SEMA3D: variants seen among roughly 807,000 people sequenced by gnomAD.
SEMA3D encodes the protein semaphorin 3D.
SEMA3D carries 84 observed loss-of-function variants against 100.1 expected under a neutral mutation model. The ratio of observed to expected loss-of-function variants is 0.84; its 90% CI spans 0.70 to 1.01. SEMA3D has a LOEUF of 1.01. Among genes scored for constraint, SEMA3D ranks in the 50% least tolerant of loss-of-function variants. The pLI is 0.00. For synonymous variants in SEMA3D, 312 were observed against 320.7 expected (o/e 0.97, Z 0.29); for missense variants, 875 against 934.1 (o/e 0.94, Z 0.82).
chr7:85,211,829 CTT>C, the SEMA3D span, among the ~76,000 whole-genome samples: 5 of 151,876 alleles, frequency 3.3e-5, no homozygotes, highest in African/African-American at 1.2e-4. Flanking sequence ...TTTTATCTTC[CTT>C]ATAATTTTAA....
At chr7:85,249,918 G>A in the SEMA3D span, among the ~76,000 whole-genome samples, 3 of 151,846 alleles carry the variant, frequency 2.0e-5, no homozygotes, top group Non-Finnish European at 2.9e-5. Context: ...CGTGAGCGAC[G>A]CAGAAGACGG....
At chr7:85,124,711 G>A (rs1296557213) in intron 2 of SEMA3D, among the ~76,000 whole-genome samples, 1 of 152,064 alleles carries the variant, frequency 6.6e-6, no homozygotes, top group African/African-American at 2.4e-5. Context: ...TGAACAGCAA[G>A]GCAGGTTGCA....
intron 3 of SEMA3D, among the ~76,000 whole-genome samples, chr7:85,116,439 A>T (rs1178274096): frequency 4.7e-5 from 7 of 147,640 alleles, no homozygotes; most frequent in African/African-American, 1.5e-4. Context: ...TTACATATGT[A>T]TATACATATA....
intron 1 of SEMA3D, among the ~76,000 whole-genome samples, chr7:85,175,274 C>T (rs1407237184): frequency 1.3e-5 from 2 of 152,146 alleles, no homozygotes; most frequent in African/African-American, 2.4e-5. Flanking sequence ...GATAGTGACA[C>T]AACAAAAGAA....
intron 3 of SEMA3D, among the ~76,000 whole-genome samples, chr7:85,110,202 A>G (rs561226734): frequency 1.3e-5 from 2 of 152,040 alleles, no homozygotes; most frequent in South Asian, 4.1e-4. Context: ...TGTCACTTCC[A>G]CCACTCTGTG....
intron 1 of SEMA3D, among the ~76,000 whole-genome samples, chr7:85,183,115 T>A (rs994593372): frequency 9.2e-5 from 14 of 152,102 alleles, no homozygotes; most frequent in African/African-American, 2.9e-4. Flanking sequence ...CCCCTTGAGA[T>A]TGAGAATTTG....
Position 85,083,929 on chromosome 7 carries a change from C to G in SEMA3D, c.313-2350G>C, listed in dbSNP as rs1583906565. ...TTGGGAGGCTGAGGCAGGCAGATCACGAGGTCAGGAGATCGAGACGATCCT... is the reference window on the plus strand; with the variant it reads ...TTGGGAGGCTGAGGCAGGCAGATCAGGAGGTCAGGAGATCGAGACGATCCT... On this transcript the variant is annotated intron_variant, in intron 4 of 18. Coordinates refer to ENST00000284136, the MANE Select transcript of SEMA3D (RefSeq NM_001384900.1). Among the ~76,000 whole-genome samples, 7 of 151,626 alleles carry G rather than the reference C, an allele frequency of 4.6e-5. 1 individual carries two copies. The highest frequency in any genetic ancestry group is 1.7e-4 in the African/African-American group (7 of 41,318).
chr7:85,114,752 A>G (rs1789189324), intron 3 of SEMA3D, among the ~76,000 whole-genome samples: 1 of 152,184 alleles, frequency 6.6e-6, no homozygotes, highest in Non-Finnish European at 1.5e-5. Context: ...AAACATATCA[A>G]TTCTCCTTAT....
intron 3 of SEMA3D, 105 bp downstream of exon 3, chr7:85,121,636 C>T: frequency 8.0e-6 from 5 of 627,042 alleles, no homozygotes; most frequent in Non-Finnish European, 1.3e-5. Context: ...GATGCCAAAA[C>T]ATTTCACAGA....
At chr7:85,102,871 G>C (rs926431622) in intron 3 of SEMA3D, among the ~76,000 whole-genome samples, 3 of 151,862 alleles carry the variant, frequency 2.0e-5, no homozygotes, top group Non-Finnish European at 4.4e-5. Flanking sequence ...CAATTCTATG[G>C]GGTTTAGTTT....
chr7:85,250,159 C>G, the SEMA3D span, among the ~76,000 whole-genome samples: 4 of 151,944 alleles, frequency 2.6e-5, no homozygotes, highest in African/African-American at 9.7e-5. Flanking sequence ...GCTTTTCCGA[C>G]AGGCTTAAAA....
At chr7:85,223,633 A>G in the SEMA3D span, among the ~76,000 whole-genome samples, 3 of 152,128 alleles carry the variant, frequency 2.0e-5, no homozygotes, top group Non-Finnish European at 4.4e-5. Context: ...ACGGACTTGG[A>G]GATGGTTATT....
intron 6 of SEMA3D, among the ~76,000 whole-genome samples, chr7:85,070,781 CTTT>C (rs1306619888): frequency 1.4e-5 from 2 of 146,238 alleles, no homozygotes; most frequent in Non-Finnish European, 3.0e-5. Flanking sequence ...GCACTTGTGA[CTTT>C]TTTTTGTTGT....
chr7:85,167,015 T>C (rs1790924068), intron 1 of SEMA3D, among the ~76,000 whole-genome samples: 1 of 151,896 alleles, frequency 6.6e-6, no homozygotes, highest in Non-Finnish European at 1.5e-5. Context: ...CAAACTTTAA[T>C]TGAAAAAATG....
chr7:85,144,595 G>T (rs1325090100), intron 2 of SEMA3D: 6 of 984,746 alleles, frequency 6.1e-6, no homozygotes, highest in South Asian at 4.7e-5. Context: ...CTTTATCAGG[G>T]TTTCTAAGAA....
intron 1 of SEMA3D, among the ~76,000 whole-genome samples, chr7:85,185,266 T>A (rs1258077133): frequency 6.6e-6 from 1 of 151,970 alleles, no homozygotes; most frequent in Non-Finnish European, 1.5e-5. Flanking sequence ...ACCCAGGAGA[T>A]GTCTCAGACC....
intron 2 of SEMA3D, among the ~76,000 whole-genome samples, chr7:85,143,713 T>C (rs1322782452): frequency 6.8e-6 from 1 of 146,636 alleles, no homozygotes; most frequent in East Asian, 2.1e-4. Context: ...AAAAATATAA[T>C]ATGAGACATG....
intron 14 of SEMA3D, among the ~76,000 whole-genome samples, chr7:85,019,043 T>C (rs1034345281): frequency 1.3e-5 from 2 of 151,766 alleles, no homozygotes; most frequent in Admixed American, 6.6e-5. Context: ...GAGAAAGTTC[T>C]ATCAAATAGC....
intron 18 of SEMA3D, among the ~76,000 whole-genome samples, chr7:85,005,018 C>T (rs1789755057): frequency 6.6e-6 from 1 of 151,196 alleles, no homozygotes; most frequent in African/African-American, 2.5e-5. Context: ...CAAACAACCA[C>T]AGGCAAATGT....
Sources: allele counts gnomAD v4.1 joint callset (sites outside exome capture counted in the v4.1 genomes callset), GRCh38; gene constraint gnomAD v4.1.1; transcripts MANE v1.5; gene names NCBI Gene and HGNC (gene_info 2026-07-23, HGNC 2026-07-21).